Variants in C5 observed in about 807,000 individuals in gnomAD.
C5 encodes C3 and PZP-like alpha-2-macroglobulin domain-containing protein 4.
Under a neutral mutation model 218.8 loss-of-function variants are expected in C5, and 140 were observed. The observed-to-expected ratio is 0.64, with a 90% confidence interval of 0.56 to 0.74. The LOEUF (loss-of-function observed/expected upper bound fraction) is 0.74. Among genes scored for constraint, C5 ranks in the 30% least tolerant of loss-of-function variants. The pLI, the probability that C5 is intolerant of heterozygous loss-of-function variation, is 0.00. For missense variants in C5, 1,700 were observed against 1,969.6 expected, an observed-to-expected ratio of 0.86 and a Z score of 2.59; for synonymous variants, 614 against 682.3, an observed-to-expected ratio of 0.90 and a Z score of 1.56.
At chr9:120,974,325 C>A (rs2046936183) in intron 30 of C5, among the ~76,000 whole-genome samples, 1 of 152,224 alleles carries the variant, frequency 6.6e-6, no homozygotes, top group Non-Finnish European at 1.5e-5. Context: ...CCAGAAGGGA[C>A]CACCAGCAGC....
chr9:121,017,692 G>A lies in C5; in HGVS notation c.1667C>T (p.Ser556Phe). 6.2e-7 allele frequency: 1 copy of A among 1,613,730 alleles called. No individual in the cohort carries two copies. Among genetic ancestry groups the A allele is most frequent in the Non-Finnish European group, 8.5e-7 (1 of 1,179,834 alleles). The change falls in exon 13 of 41, where the codon TCT (serine) becomes TTT (phenylalanine). Residue 556 changes from serine to phenylalanine, a missense_variant. Ser to Phe is a radical substitution (Grantham distance 155). Transcript: ENST00000223642. ...TTCAATATTTAACCAGACTGAATCA[G>A]ACACTAATTCTGCTGTCTGTTCTCC... ...VTGEQTAELV[S>F]DSVWLNIEEK...
chr9:121,041,328 G>A (rs1256168959), intron 3 of C5, among the ~76,000 whole-genome samples: 4 of 50,692 alleles, frequency 7.9e-5, no homozygotes, highest in Middle Eastern at 0.017. Context: ...TTGCTGAGAC[G>A]AAGTCTCACT....
chr9:121,017,137 T>C (rs1277938621), intron 14 of C5, among the ~76,000 whole-genome samples: 1 of 152,262 alleles, frequency 6.6e-6, no homozygotes, highest in African/African-American at 2.4e-5. Flanking sequence ...ATGTAATTGC[T>C]ACCATGATCA....
intron 20 of C5, among the ~76,000 whole-genome samples, chr9:121,000,978 A>G (rs1165368725): frequency 6.6e-6 from 1 of 152,230 alleles, no homozygotes; most frequent in African/African-American, 2.4e-5. Context: ...AAAGATTTCC[A>G]AAAACACAAA....
chr9:120,997,847 G>A (rs1034463015), intron 20 of C5, 73 bp from the exon 21 acceptor site: 1 of 1,290,212 alleles, frequency 7.8e-7, no homozygotes, highest in African/African-American at 1.5e-5. Flanking sequence ...ATGTCGCCCA[G>A]GCTGGAGTGC....
chr9:121,024,643 C>T (rs2047403834), intron 9 of C5, among the ~76,000 whole-genome samples: 1 of 152,094 alleles, frequency 6.6e-6, no homozygotes, highest in Non-Finnish European at 1.5e-5. Context: ...AGCAACTCTG[C>T]CTCAAAACCC....
intron 7 of C5, among the ~76,000 whole-genome samples, chr9:121,028,509 C>A (rs2047444631): frequency 6.6e-6 from 1 of 152,146 alleles, no homozygotes; most frequent in Non-Finnish European, 1.5e-5. Context: ...GAATACTATG[C>A]AGGCATAAAA....
At chr9:121,070,419 ATATATATG>A in the C5 span, among the ~76,000 whole-genome samples, 470 of 134,878 alleles carry the variant, frequency 3.5e-3, 10 homozygotes, top group African/African-American at 0.013. Context: ...ATATATATAT[ATATATATG>A]TATGTATATT....
At chr9:121,068,582 C>T in the C5 span, among the ~76,000 whole-genome samples, 1 of 152,102 alleles carries the variant, frequency 6.6e-6, no homozygotes, top group Non-Finnish European at 1.5e-5. Flanking sequence ...TCAATGCAAT[C>T]TCTATCAAAA....
At chr9:121,068,700 G>T in the C5 span, among the ~76,000 whole-genome samples, 1 of 152,264 alleles carries the variant, frequency 6.6e-6, no homozygotes, top group South Asian at 2.1e-4. Context: ...AACAAAGCTA[G>T]AGGCATCACA....
chr9:121,017,647 A>C lies in C5; in HGVS notation c.1712T>G (p.Leu571Arg). 6.2e-7 allele frequency: 1 copy of C among 1,612,674 alleles called. No homozygotes were observed. The highest frequency in any genetic ancestry group is 8.5e-7 in the Non-Finnish European group (1 of 1,178,980). ...LNIEEKCGNQLQVHLSPDADA... is the reference protein window; with the variant it reads ...LNIEEKCGNQRQVHLSPDADA... ...GACTTATAATTTGTGGCTTACCTGG[A>C]GCTGGTTGCCACATTTTTCTTCAAT... The change falls in exon 13 of 41, where the codon CTC becomes CGC. Residue 571 changes from leucine (L) to arginine (R), a missense_variant. Coordinates refer to ENST00000223642, the MANE Select transcript of C5 (RefSeq NM_001735.3).
At chr9:120,982,014 TTTTG>T (rs1007704814) in intron 26 of C5, 75 bp from the exon 27 acceptor site, 34 of 1,011,742 alleles carry the variant, frequency 3.4e-5, no homozygotes, top group Middle Eastern at 2.4e-4. Flanking sequence ...CTACTCTGTT[TTTTG>T]TTTGTTTGTT....
chr9:120,978,633 A>G (rs1047104902), intron 28 of C5, among the ~76,000 whole-genome samples: 7 of 152,242 alleles, frequency 4.6e-5, no homozygotes, highest in African/African-American at 1.7e-4. Flanking sequence ...AAACCTCAGT[A>G]AGATTTATAA....
chr9:120,957,209 T>C, intron 39 of C5, 76 bp downstream of exon 39: 1 of 994,796 alleles, frequency 1.0e-6, no homozygotes. Flanking sequence ...TCTTCTGTGT[T>C]TAATATAATG....
Position 121,027,285 on chromosome 9 carries a change from A to G in C5, c.759-11T>C, listed in dbSNP as rs753553784. 3.2e-6 allele frequency: 4 copies of G among 1,243,408 alleles called. No individual in the cohort carries two copies. The highest frequency in any genetic ancestry group is 4.7e-6 in the Non-Finnish European group (4 of 849,644). 77.0% of individuals were successfully genotyped at this position (1,243,408 alleles called of 1,614,324 possible). On this transcript the variant is annotated splice_polypyrimidine_tract_variant and intron_variant, in intron 7 of 40. Coordinates refer to ENST00000223642, the MANE Select transcript of C5 (RefSeq NM_001735.3). ...TTATTATAAAAATATCTGTCAGACA[A>G]TAGCATAAAACTGTTTTACTAACAT...
rs1171800201 is a variant in C5 at position 120,969,041 on chromosome 9, C to T, written c.4220+20G>A. 1 of 1,607,476 alleles carries T rather than the reference C, an allele frequency of 6.2e-7. No homozygotes were observed. Among genetic ancestry groups the T allele is most frequent in the South Asian group, 1.1e-5 (1 of 90,936 alleles). On this transcript the variant is annotated intron_variant, in intron 33 of 40. Coordinates refer to ENST00000223642, the MANE Select transcript of C5 (RefSeq NM_001735.3). ...ATGAGAACTTGGAGTCTATGCTCCCCTTTGTGGAAATAGGCTCACCTGGCA... is the reference window on the plus strand; with the variant it reads ...ATGAGAACTTGGAGTCTATGCTCCCTTTTGTGGAAATAGGCTCACCTGGCA...
chr9:121,070,384 G>GATATATATAT, the C5 span, among the ~76,000 whole-genome samples: 181 of 72,802 alleles, frequency 2.5e-3, no homozygotes, highest in Non-Finnish European at 3.1e-3. Context: ...AAGGAAGGGT[G>GATATATATAT]ATATATATAT....
the C5 span, among the ~76,000 whole-genome samples, chr9:121,063,595 G>T: frequency 6.6e-6 from 1 of 151,786 alleles, no homozygotes; most frequent in African/African-American, 2.4e-5. Flanking sequence ...GTAATTTTTT[G>T]TTAAAACTGG....
At chr9:121,008,342 G>A in intron 18 of C5, 66 bp downstream of exon 18, 16 of 1,132,162 alleles carry the variant, frequency 1.4e-5, no homozygotes, top group South Asian at 1.0e-4. Flanking sequence ...GTAGTTTCTA[G>A]ATTTTTGGCC....
Sources: gnomAD v4.1 joint callset for allele counts (sites outside exome capture counted in the v4.1 genomes callset) on GRCh38, gnomAD v4.1.1 for gene constraint, MANE v1.5 for transcripts, NCBI Gene and HGNC (gene_info 2026-07-23, HGNC 2026-07-21) for gene names.